Variants in RALGAPA1 observed in about 807,000 individuals in gnomAD.
RALGAPA1 encodes the protein Ral GTPase activating protein catalytic subunit alpha 1.
Under a neutral mutation model 269.6 loss-of-function variants are expected in RALGAPA1, and 52 were observed. That is an observed-to-expected ratio of 0.19 (90% CI 0.15 to 0.24). The LOEUF is 0.24. RALGAPA1 is among the 10% of genes least tolerant of loss of function. The pLI is 1.00. For synonymous variants in RALGAPA1, 817 were observed against 1,008.3 expected (o/e 0.81, Z 3.60); for missense variants, 1,917 against 3,013.9 (o/e 0.64, Z 8.52).
intron 12 of RALGAPA1, among the ~76,000 whole-genome samples, chr14:35,734,327 A>C (rs1424865497): frequency 6.6e-6 from 1 of 152,202 alleles, no homozygotes; most frequent in Non-Finnish European, 1.5e-5. Flanking sequence ...ATGGTCACCA[A>C]AACAGCATGG....
intron 7 of RALGAPA1, among the ~76,000 whole-genome samples, chr14:35,752,987 T>C (rs12588266): frequency 1.1e-4 from 16 of 152,250 alleles, no homozygotes; most frequent in East Asian, 9.7e-4. Context: ...AACATTAAGA[T>C]AGATAGATAA....
chr14:35,682,591 C>A (rs1429072277), intron 21 of RALGAPA1, among the ~76,000 whole-genome samples: 2 of 152,144 alleles, frequency 1.3e-5, no homozygotes, highest in Non-Finnish European at 2.9e-5. Flanking sequence ...CAGGTGTGAG[C>A]CACCATGCCC....
At chr14:35,653,814 G>A (rs1002374709) in intron 30 of RALGAPA1, among the ~76,000 whole-genome samples, 3 of 151,890 alleles carry the variant, frequency 2.0e-5, no homozygotes, top group East Asian at 1.9e-4. Flanking sequence ...AGGAGACACC[G>A]AATTAGAATG....
At chr14:35,766,988 C>T in intron 4 of RALGAPA1, 1 of 379,164 alleles carries the variant, frequency 2.6e-6, no homozygotes, top group East Asian at 7.1e-5. Context: ...CTAGCAGCTT[C>T]TTACAGTAGC....
chr14:35,621,817 C>A (rs951309630), intron 35 of RALGAPA1, among the ~76,000 whole-genome samples: 6 of 152,168 alleles, frequency 3.9e-5, no homozygotes, highest in African/African-American at 1.4e-4. Flanking sequence ...CAATGAGATA[C>A]CATCTCACAA....
chr14:35,598,709 C>T (rs929761111), intron 36 of RALGAPA1, among the ~76,000 whole-genome samples: 1 of 152,074 alleles, frequency 6.6e-6, no homozygotes, highest in Non-Finnish European at 1.5e-5. Flanking sequence ...CATGAGCCAC[C>T]GTGCCCAGCC....
At chr14:35,786,994 AATC>A (rs1386262947) in intron 1 of RALGAPA1, among the ~76,000 whole-genome samples, 6 of 152,178 alleles carry the variant, frequency 3.9e-5, no homozygotes, top group African/African-American at 7.2e-5. Flanking sequence ...TTGAAATTTT[AATC>A]ATCATCTTCC....
intron 12 of RALGAPA1, among the ~76,000 whole-genome samples, chr14:35,734,870 T>A (rs1206603111): frequency 6.6e-6 from 1 of 151,146 alleles, no homozygotes; most frequent in East Asian, 1.9e-4. Context: ...AAACAAACGA[T>A]CCCATCAAAA....
At chr14:35,629,881 A>G (rs2061242809) in intron 33 of RALGAPA1, among the ~76,000 whole-genome samples, 1 of 152,202 alleles carries the variant, frequency 6.6e-6, no homozygotes, top group Admixed American at 6.5e-5. Context: ...AATTATATAT[A>G]ATTGTGTAAC....
At chr14:35,724,908 T>A (rs2069749756) in intron 14 of RALGAPA1, 116 bp downstream of exon 14, 1 of 815,252 alleles carries the variant, frequency 1.2e-6, no homozygotes, top group Non-Finnish European at 1.7e-6. Flanking sequence ...TTTAAAACTT[T>A]TTTTTCTGGT....
chr14:35,571,636 C>T (rs538428377), intron 38 of RALGAPA1, among the ~76,000 whole-genome samples: 5 of 152,052 alleles, frequency 3.3e-5, no homozygotes, highest in South Asian at 2.1e-4. Context: ...ATTGCGCCAC[C>T]GCACTCCAGC....
At chr14:35,658,522 C>G (rs1360497743) in intron 28 of RALGAPA1, among the ~76,000 whole-genome samples, 2 of 151,984 alleles carry the variant, frequency 1.3e-5, no homozygotes, top group Non-Finnish European at 2.9e-5. Context: ...TAAAATATGA[C>G]TTAATGTTAT....
chr14:35,721,530 A>G (rs2069410268), intron 16 of RALGAPA1, among the ~76,000 whole-genome samples, 158 bp downstream of exon 16: 1 of 152,236 alleles, frequency 6.6e-6, no homozygotes, highest in Non-Finnish European at 1.5e-5. Context: ...GCCTATCACT[A>G]GACTCTGAGT....
chr14:35,596,084 C>T (rs1235189982), intron 36 of RALGAPA1, among the ~76,000 whole-genome samples: 1 of 151,872 alleles, frequency 6.6e-6, no homozygotes, highest in Admixed American at 6.6e-5. Context: ...TCAGAGCACA[C>T]CAAGGCCAGG....
At chr14:35,731,241 T>G (rs2070449339) in intron 12 of RALGAPA1, among the ~76,000 whole-genome samples, 1 of 152,172 alleles carries the variant, frequency 6.6e-6, no homozygotes, top group Non-Finnish European at 1.5e-5. Context: ...ACAACAGCCT[T>G]CAGCCTTAGA....
At chr14:35,629,281 G>GT (rs747070351) in intron 33 of RALGAPA1, among the ~76,000 whole-genome samples, 3,513 of 74,606 alleles carry the variant, frequency 0.047, 127 homozygotes, top group African/African-American at 0.12. Flanking sequence ...GATGTTTAGG[G>GT]GGTGTGTGTG....
At chr14:35,758,056 C>G (rs2073345042) in intron 6 of RALGAPA1, among the ~76,000 whole-genome samples, 1 of 151,912 alleles carries the variant, frequency 6.6e-6, no homozygotes, top group Non-Finnish European at 1.5e-5. Context: ...TGAGATCAGC[C>G]TTGGCCAACA....
intron 10 of RALGAPA1, among the ~76,000 whole-genome samples, chr14:35,743,749 G>A (rs1219366409): frequency 6.6e-6 from 1 of 151,816 alleles, no homozygotes; most frequent in African/African-American, 2.4e-5. Flanking sequence ...TATGTAATAA[G>A]GTACCTCACC....
intron 13 of RALGAPA1, 86 bp downstream of exon 13, chr14:35,728,276 T>C (rs2070152753): frequency 3.3e-5 from 41 of 1,241,060 alleles, no homozygotes; most frequent in Non-Finnish European, 4.3e-5. Context: ...AAACAAACCC[T>C]CTTCACAGAC....
Sources: allele counts gnomAD v4.1 joint callset (sites outside exome capture counted in the v4.1 genomes callset), GRCh38; gene constraint gnomAD v4.1.1; transcripts MANE v1.5; gene names NCBI Gene and HGNC (gene_info 2026-07-23, HGNC 2026-07-21).